Variants in DLG2 observed in about 807,000 individuals in gnomAD.
The protein encoded by DLG2 is discs large MAGUK scaffold protein 2.
In DLG2, 45 loss-of-function variants were observed where a neutral mutation model predicts 132.5. The ratio of observed to expected loss-of-function variants is 0.34; its 90% CI spans 0.27 to 0.44. The LOEUF (loss-of-function observed/expected upper bound fraction) is 0.44, where lower values mean the gene tolerates loss of function less well. Ranked by LOEUF, DLG2 falls within the 20% of genes least tolerant of loss-of-function variation. The pLI, the probability that DLG2 is intolerant of heterozygous loss-of-function variation, is 1.00. For missense variants in DLG2, 1,045 were observed against 1,196.9 expected (o/e 0.87, Z 1.87); for synonymous variants, 424 against 419.6 (o/e 1.01, Z -0.13).
rs532854368 is a variant in DLG2 at position 85,079,636 on chromosome 11, C to A, written c.357+32025G>T. On this transcript the variant is annotated intron_variant, in intron 6 of 27. Coordinates refer to ENST00000376104, the MANE Select transcript of DLG2 (RefSeq NM_001142699.3). ...GGTCTATCCTGTCCCTTGGTGGGAC[C>A]GCTATGGCCAAGTGACTTTGAGCCA... 2.2e-4 allele frequency among the ~76,000 whole-genome samples: 33 copies of A among 152,162 alleles called. No homozygotes were observed. The South Asian group carries it at 6.2e-3, about 29-fold the overall frequency.
intron 6 of DLG2, among the ~76,000 whole-genome samples, chr11:84,987,782 G>A (rs570738091): frequency 1.3e-5 from 2 of 152,240 alleles, no homozygotes; most frequent in South Asian, 4.1e-4. Flanking sequence ...GATGGATCAA[G>A]GACTTAAATG....
At chr11:85,333,349 A>G (rs2081905462) in intron 3 of DLG2, among the ~76,000 whole-genome samples, 1 of 152,314 alleles carries the variant, frequency 6.6e-6, no homozygotes, top group East Asian at 1.9e-4. Flanking sequence ...GGCAGAGACT[A>G]TAGGGTTGTC....
chr11:83,541,008 T>G (rs1213011126), intron 20 of DLG2, among the ~76,000 whole-genome samples: 1 of 152,060 alleles, frequency 6.6e-6, no homozygotes, highest in African/African-American at 2.4e-5. Flanking sequence ...AAAGCAGAGC[T>G]GAAGAAATGC....
At chr11:84,824,155 C>G (rs1372867903) in intron 6 of DLG2, among the ~76,000 whole-genome samples, 10 of 151,928 alleles carry the variant, frequency 6.6e-5, no homozygotes. Context: ...CAACCAAACA[C>G]TTTGCAGGCA....
chr11:84,822,750 A>T (rs1566059476), intron 6 of DLG2, among the ~76,000 whole-genome samples: 1 of 151,950 alleles, frequency 6.6e-6, no homozygotes, highest in South Asian at 2.1e-4. Context: ...CTTTTCAGAA[A>T]TACAATGAGG....
rs192391253 is a variant in DLG2 at position 84,234,362 on chromosome 11, C to T, written c.573+16876G>A. ...TTGGTCCCTCCTTCTGCCTTCTGCC[C>T]ATCAGTTGAATTCTTTCTTCTGAGA... On this transcript the variant is annotated intron_variant, in intron 8 of 27. Coordinates refer to ENST00000376104, the MANE Select transcript of DLG2 (RefSeq NM_001142699.3). Among the ~76,000 whole-genome samples, 179 of 152,226 alleles carry T rather than the reference C, an allele frequency of 1.2e-3. 1 individual carries two copies. Among genetic ancestry groups the T allele is most frequent in the African/African-American group, 4.0e-3 (166 of 41,530 alleles).
chr11:84,151,080 G>A (rs2095277922), intron 9 of DLG2, among the ~76,000 whole-genome samples: 1 of 151,996 alleles, frequency 6.6e-6, no homozygotes, highest in Non-Finnish European at 1.5e-5. Context: ...CTTTTTTGCT[G>A]TGTATCTGCC....
At chr11:84,738,114 T>A (rs2064105377) in intron 6 of DLG2, among the ~76,000 whole-genome samples, 1 of 152,054 alleles carries the variant, frequency 6.6e-6, no homozygotes, top group East Asian at 1.9e-4. Flanking sequence ...TAGGTTGTGT[T>A]AAAGGCTCAG....
intron 6 of DLG2, among the ~76,000 whole-genome samples, chr11:85,010,490 A>G (rs1391892841): frequency 3.9e-5 from 6 of 152,122 alleles, no homozygotes; most frequent in Admixed American, 1.3e-4. Flanking sequence ...TGATTAGAAG[A>G]TACACATGTC....
intron 6 of DLG2, among the ~76,000 whole-genome samples, chr11:84,671,117 CAA>C (rs778655222): frequency 4.0e-5 from 6 of 149,016 alleles, no homozygotes. Flanking sequence ...TTTTTTGAGA[CAA>C]AGTCTCACTC....
intron 6 of DLG2, among the ~76,000 whole-genome samples, chr11:85,027,508 T>A (rs1335353477): frequency 1.3e-5 from 2 of 152,078 alleles, no homozygotes; most frequent in Admixed American, 6.5e-5. Context: ...TGCGCTTGGC[T>A]CACACTACTG....
intron 6 of DLG2, among the ~76,000 whole-genome samples, chr11:84,610,343 A>T (rs975279772): frequency 2.0e-5 from 3 of 152,076 alleles, no homozygotes; most frequent in East Asian, 1.9e-4. Flanking sequence ...TTTTTTAAAA[A>T]TTTTTTGCAA....
At chr11:85,403,145 T>C (rs1368978092) in intron 3 of DLG2, among the ~76,000 whole-genome samples, 1 of 152,184 alleles carries the variant, frequency 6.6e-6, no homozygotes, top group Non-Finnish European at 1.5e-5. Context: ...ATATACACCA[T>C]GGAATACTAT....
intron 14 of DLG2, among the ~76,000 whole-genome samples, chr11:83,933,539 T>C (rs757795815): frequency 9.2e-5 from 14 of 152,246 alleles, no homozygotes; most frequent in Admixed American, 2.6e-4. Context: ...TAGCACACCC[T>C]GGCCCTTGGT....
intron 6 of DLG2, among the ~76,000 whole-genome samples, chr11:84,541,654 C>T (rs1441050399): frequency 6.6e-6 from 1 of 152,010 alleles, no homozygotes; most frequent in African/African-American, 2.4e-5. Flanking sequence ...TCTCCAATGC[C>T]CAACCGACAA....
intron 7 of DLG2, among the ~76,000 whole-genome samples, chr11:84,296,449 C>A (rs540397677): frequency 7.2e-5 from 11 of 152,032 alleles, no homozygotes; most frequent in African/African-American, 2.6e-4. Flanking sequence ...ATTTTTTTCT[C>A]TCTTTGAGTT....
At chr11:83,940,959 C>T (rs77322635) in intron 14 of DLG2, among the ~76,000 whole-genome samples, 2,739 of 152,268 alleles carry the variant, frequency 0.018, 90 homozygotes, top group African/African-American at 0.062. Flanking sequence ...GTAGGCCATC[C>T]GGTTTATACA....
intron 7 of DLG2, among the ~76,000 whole-genome samples, chr11:84,428,877 G>C (rs559232633): frequency 9.9e-5 from 15 of 152,172 alleles, no homozygotes; most frequent in Non-Finnish European, 1.9e-4. Flanking sequence ...TGTGGGATAA[G>C]GCAGCTGGAA....
intron 6 of DLG2, among the ~76,000 whole-genome samples, chr11:84,624,164 T>G (rs985577194): frequency 9.2e-5 from 14 of 152,288 alleles, no homozygotes; most frequent in African/African-American, 2.6e-4. Context: ...TCTAAAAACT[T>G]TCCTGTTTTG....
Sources: allele counts gnomAD v4.1 joint callset (sites outside exome capture counted in the v4.1 genomes callset), GRCh38; gene constraint gnomAD v4.1.1; transcripts MANE v1.5; gene names NCBI Gene and HGNC (gene_info 2026-07-23, HGNC 2026-07-21).